CADPS2: variants seen among roughly 807,000 people sequenced by gnomAD.
CADPS2 encodes calcium-dependent secretion activator 2.
CADPS2 carries 93 observed loss-of-function variants against 172.5 expected under a neutral mutation model. The ratio of observed to expected loss-of-function variants is 0.54; its 90% CI spans 0.46 to 0.64. The LOEUF (loss-of-function observed/expected upper bound fraction) is 0.64. Among genes scored for constraint, CADPS2 ranks in the 30% least tolerant of loss-of-function variants. The probability of loss-of-function intolerance (pLI) is 0.00; values close to 1 mark genes in which losing one functional copy is unlikely to be tolerated. For synonymous variants in CADPS2, 546 were observed against 555.2 expected, an observed-to-expected ratio of 0.98 and a Z score of 0.23; for missense variants, 1,420 against 1,565.9, an observed-to-expected ratio of 0.91 and a Z score of 1.57.
intron 24 of CADPS2, among the ~76,000 whole-genome samples, chr7:122,386,722 T>C (rs1162222859): frequency 2.0e-5 from 3 of 152,112 alleles, no homozygotes; most frequent in Non-Finnish European, 4.4e-5. Context: ...AACAGGTAGC[T>C]TTCCAGCTTT....
At chr7:122,637,171 C>CTTTTTTTTTTTTTTTTTTTTTTTT (rs71161313) in intron 3 of CADPS2, among the ~76,000 whole-genome samples, 1 of 53,900 alleles carries the variant, frequency 1.9e-5, no homozygotes, top group African/African-American at 7.3e-5. Flanking sequence ...TGAAATTTTG[C>CTTTTTTTTTTTTTTTTTTTTTTTT]TTTTTTTTTT....
intron 3 of CADPS2, among the ~76,000 whole-genome samples, chr7:122,651,060 T>TTA (rs139986410): frequency 3.2e-4 from 48 of 152,116 alleles, no homozygotes; most frequent in East Asian, 2.7e-3. Context: ...AGATTTTAAA[T>TTA]TATATATATA....
intron 1 of CADPS2, among the ~76,000 whole-genome samples, chr7:122,801,504 TA>T (rs1797638851): frequency 6.6e-6 from 1 of 152,148 alleles, no homozygotes; most frequent in Non-Finnish European, 1.5e-5. Context: ...CTTCATTTAA[TA>T]AAAAATATCT....
chr7:122,787,522 C>T (rs560654710), intron 1 of CADPS2, among the ~76,000 whole-genome samples: 1 of 152,310 alleles, frequency 6.6e-6, no homozygotes, highest in South Asian at 2.1e-4. Flanking sequence ...GGTCAGTTAG[C>T]CAACAGAGTT....
At chr7:122,805,104 T>C (rs1798500158) in intron 1 of CADPS2, among the ~76,000 whole-genome samples, 1 of 152,158 alleles carries the variant, frequency 6.6e-6, no homozygotes, top group African/African-American at 2.4e-5. Context: ...TGTAACCCCA[T>C]AGCTAACCCC....
At position 122,325,502 on chromosome 7, in the gene CADPS2, A is replaced by G. The variant is rs2033651272; in HGVS notation, c.3692T>C (p.Leu1231Pro). 6.2e-7 allele frequency: 1 copy of G among 1,609,866 alleles called. No homozygotes were observed. The highest frequency in any genetic ancestry group is 8.5e-7 in the Non-Finnish European group (1 of 1,177,778). Residue 1231 changes from leucine to proline, a missense_variant, in exon 29 of 30, where the codon CTG becomes CCG. By Grantham distance (98) the Leu-to-Pro change is moderately conservative. Transcript: ENST00000449022. ...RLDLQLHIYQ[L>P]KTLIKIVKKT... ...CTTCACAATCTTGATGAGCGTCTTC[A>G]GCTGGTAAATATGGAGTTGGAGGTC...
intron 17 of CADPS2, among the ~76,000 whole-genome samples, chr7:122,433,843 T>C (rs1223197421): frequency 6.6e-6 from 1 of 152,212 alleles, no homozygotes; most frequent in Admixed American, 6.5e-5. Flanking sequence ...GCAAGGTATA[T>C]ATGGGACAAG....
intron 1 of CADPS2, among the ~76,000 whole-genome samples, chr7:122,837,639 T>G (rs1808941046): frequency 6.6e-6 from 1 of 152,160 alleles, no homozygotes. Flanking sequence ...CATCAGAGAA[T>G]ACTATAAACA....
intron 2 of CADPS2, chr7:122,702,922 T>C: frequency 1.8e-6 from 1 of 551,538 alleles, no homozygotes; most frequent in Admixed American, 3.5e-5. Flanking sequence ...TTTAGTAGAT[T>C]ATCTTTCTCA....
In CADPS2 at chr7:122,735,531, T is replaced by G. The variant is rs116186767; in HGVS notation, c.453+1424A>C. Among the ~76,000 whole-genome samples, 613 of 152,262 alleles carry G rather than the reference T, an allele frequency of 4.0e-3. 7 individuals are homozygous for G. The highest frequency in any genetic ancestry group is 0.013 in the African/African-American group (549 of 41,548). ...TCAATCTGTATTCTGTTGAAATGTG[T>G]GCCTTTTTCTAAACTGTGGCCACAT... On this transcript the variant is annotated intron_variant, in intron 2 of 29. Coordinates refer to ENST00000449022, the MANE Select transcript of CADPS2 (RefSeq NM_017954.11).
chr7:122,507,214 G>A (rs945965299), intron 9 of CADPS2, among the ~76,000 whole-genome samples: 2 of 152,088 alleles, frequency 1.3e-5, no homozygotes, highest in African/African-American at 4.8e-5. Context: ...AGGCACATTC[G>A]AAAAGGCAAC....
chr7:122,369,181 G>C (rs1469381873), intron 25 of CADPS2, among the ~76,000 whole-genome samples: 1 of 121,270 alleles, frequency 8.2e-6, no homozygotes, highest in African/African-American at 3.2e-5. Context: ...GCCCAGGCTG[G>C]AGTGCAGTGG....
At chr7:122,858,164 G>C (rs1046489762) in intron 1 of CADPS2, among the ~76,000 whole-genome samples, 25 of 151,988 alleles carry the variant, frequency 1.6e-4, no homozygotes, top group Admixed American at 5.9e-4. Context: ...AGTGCCAATT[G>C]GTCCATTTAA....
intron 27 of CADPS2, among the ~76,000 whole-genome samples, chr7:122,356,748 A>C (rs2039455709): frequency 6.6e-6 from 1 of 152,156 alleles, no homozygotes; most frequent in Non-Finnish European, 1.5e-5. Flanking sequence ...TGCTCGCTCA[A>C]ATTACTCTAG....
At chr7:122,616,323 G>A (rs2074916296) in intron 5 of CADPS2, among the ~76,000 whole-genome samples, 1 of 151,990 alleles carries the variant, frequency 6.6e-6, no homozygotes, top group South Asian at 2.1e-4. Context: ...ATCAGTTACT[G>A]ATCATGTAAT....
chr7:122,761,393 C>T (rs928791927), intron 1 of CADPS2, among the ~76,000 whole-genome samples: 1 of 142,806 alleles, frequency 7.0e-6, no homozygotes, highest in Admixed American at 7.0e-5. Context: ...GAGATGCTCA[C>T]AAAGTAATGC....
chr7:122,534,487 G>C (rs1167744599), intron 8 of CADPS2, among the ~76,000 whole-genome samples: 1 of 151,968 alleles, frequency 6.6e-6, no homozygotes, highest in Non-Finnish European at 1.5e-5. Context: ...CAGGCTTAAG[G>C]CATAGTTATA....
intron 1 of CADPS2, among the ~76,000 whole-genome samples, chr7:122,811,889 T>A (rs1177271936): frequency 6.6e-6 from 1 of 152,186 alleles, no homozygotes; most frequent in African/African-American, 2.4e-5. Context: ...ACAGAACTAC[T>A]GATTAGACAG....
chr7:122,539,299 C>T (rs559489356), intron 8 of CADPS2, among the ~76,000 whole-genome samples: 11 of 152,170 alleles, frequency 7.2e-5, no homozygotes, highest in South Asian at 4.2e-4. Context: ...ACCCATGTGA[C>T]GCCTTTCACC....
Sources: gnomAD v4.1 joint callset for allele counts (sites outside exome capture counted in the v4.1 genomes callset) on GRCh38, gnomAD v4.1.1 for gene constraint, MANE v1.5 for transcripts, NCBI Gene and HGNC (gene_info 2026-07-23, HGNC 2026-07-21) for gene names.